CSMD1: variants seen among roughly 807,000 people sequenced by gnomAD.
CSMD1 encodes CUB and Sushi multiple domains 1, also known as CUB and sushi domain-containing protein 1.
CSMD1 carries 213 observed loss-of-function variants against 417.5 expected under a neutral mutation model. That is an observed-to-expected ratio of 0.51 (90% confidence interval 0.46 to 0.57). The LOEUF (loss-of-function observed/expected upper bound fraction) is 0.57. Among genes scored for constraint, CSMD1 ranks in the 20% least tolerant of loss-of-function variants. CSMD1 has a pLI of 0.00. For synonymous variants in CSMD1, 2,862 were observed against 1,736.8 expected, an observed-to-expected ratio of 1.65 and a Z score of -16.11; for missense variants, 6,923 against 4,529.7, an observed-to-expected ratio of 1.53 and a Z score of -15.17.
chr8:4,088,812 A>G (rs757046183), intron 3 of CSMD1, among the ~76,000 whole-genome samples: 3 of 151,952 alleles, frequency 2.0e-5, no homozygotes, highest in African/African-American at 7.2e-5. Flanking sequence ...ATCCCTCAGC[A>G]TGTGGACTCA....
chr8:3,056,917 T>C (rs1812269861), intron 49 of CSMD1, among the ~76,000 whole-genome samples: 3 of 152,222 alleles, frequency 2.0e-5, no homozygotes, highest in Middle Eastern at 3.4e-3. Flanking sequence ...TAGATTACTA[T>C]CTACATAGGT....
intron 4 of CSMD1, among the ~76,000 whole-genome samples, chr8:4,030,669 T>C (rs1014520200): frequency 5.3e-5 from 8 of 152,206 alleles, no homozygotes; most frequent in African/African-American, 1.9e-4. Context: ...GGGATTAACT[T>C]TTGGCTTCTT....
intron 47 of CSMD1, among the ~76,000 whole-genome samples, chr8:3,094,705 T>C (rs763150074): frequency 6.7e-6 from 1 of 148,436 alleles, no homozygotes; most frequent in Non-Finnish European, 1.5e-5. Context: ...ACTTAAGCCA[T>C]AGAGAGTAAT....
At position 3,790,021 on chromosome 8, in the gene CSMD1, A is replaced by G. The variant is rs536388139; in HGVS notation, c.819-35979T>C. 8.5e-5 allele frequency among the ~76,000 whole-genome samples: 13 copies of G among 152,294 alleles called. No homozygotes were observed. In the South Asian group the frequency reaches 2.5e-3, roughly 29 times the overall value. On this transcript the variant is annotated intron_variant, in intron 5 of 69. Transcript: ENST00000635120. Reference sequence around the variant, plus strand: ...GCTGGGATTACAGGCGTAAGCCACCATGCCCGGCCGATCATGGTTAATATT... The same window carrying G: ...GCTGGGATTACAGGCGTAAGCCACCGTGCCCGGCCGATCATGGTTAATATT...
At chr8:4,874,550 C>G (rs1052202305) in intron 1 of CSMD1, among the ~76,000 whole-genome samples, 1 of 151,564 alleles carries the variant, frequency 6.6e-6, no homozygotes, top group African/African-American at 2.4e-5. Flanking sequence ...CCACCTCTCC[C>G]GGCTAATTTT....
chr8:4,149,003 G>C (rs551850687), intron 3 of CSMD1, among the ~76,000 whole-genome samples: 1 of 143,616 alleles, frequency 7.0e-6, no homozygotes, highest in African/African-American at 2.6e-5. Flanking sequence ...CACTCTTGTT[G>C]CCCAGGCTGG....
At chr8:3,123,259 G>A (rs975593054) in intron 41 of CSMD1, among the ~76,000 whole-genome samples, 1 of 152,090 alleles carries the variant, frequency 6.6e-6, no homozygotes, top group African/African-American at 2.4e-5. Flanking sequence ...CAAATGCATA[G>A]CAAGGCCACC....
Position 2,938,685 on chromosome 8 carries a change from G to C in CSMD1, c.10595C>G (p.Ala3532Gly), listed in dbSNP as rs774821554. Residue 3532 changes from alanine (A) to glycine (G), a missense_variant, in exon 70 of 70, where the codon GCA (alanine) becomes GGA (glycine). Coordinates refer to ENST00000635120, the MANE Select transcript of CSMD1 (RefSeq NM_033225.6). The stretch of plus-strand genomic sequence containing the variant: ...ATCATACATGGGGTTTTCAAACGAT[G>C]CTTGTCCATTGCTGTTTTCATGCCC... ...YAGHENSNGQASFENPMYDTN... is the reference protein window; with the variant it reads ...YAGHENSNGQGSFENPMYDTN... The C allele has an allele frequency of 6.2e-7, 1 of 1,611,888 alleles. No homozygotes were observed. Among genetic ancestry groups the C allele is most frequent in the Admixed American group, 1.7e-5 (1 of 59,724 alleles).
At chr8:4,026,416 G>C (rs1410073742) in intron 4 of CSMD1, among the ~76,000 whole-genome samples, 3 of 152,150 alleles carry the variant, frequency 2.0e-5, no homozygotes, top group Non-Finnish European at 4.4e-5. Flanking sequence ...GGCAGCATAG[G>C]AAAGACACTT....
At chr8:4,156,065 G>C (rs1796817666) in intron 3 of CSMD1, among the ~76,000 whole-genome samples, 1 of 152,116 alleles carries the variant, frequency 6.6e-6, no homozygotes, top group African/African-American at 2.4e-5. Flanking sequence ...TACAGAAATG[G>C]AATTGGAATA....
intron 36 of CSMD1, among the ~76,000 whole-genome samples, chr8:3,183,780 C>G (rs1821578090): frequency 1.3e-5 from 2 of 152,218 alleles, no homozygotes; most frequent in African/African-American, 2.4e-5. Flanking sequence ...GACTGCCCTC[C>G]AATCAGTCAT....
chr8:4,124,958 C>G (rs1802679606), intron 3 of CSMD1, among the ~76,000 whole-genome samples: 1 of 152,122 alleles, frequency 6.6e-6, no homozygotes, highest in Non-Finnish European at 1.5e-5. Context: ...CCCCTTCCAC[C>G]TCTTGGAAGT....
chr8:3,200,246 T>A (rs1374748338), intron 32 of CSMD1, among the ~76,000 whole-genome samples: 1 of 152,250 alleles, frequency 6.6e-6, no homozygotes, highest in East Asian at 1.9e-4. Context: ...TTCTGAAGTA[T>A]ATTTTTAACC....
chr8:4,171,216 C>T (rs752768186), intron 3 of CSMD1, among the ~76,000 whole-genome samples: 4 of 151,852 alleles, frequency 2.6e-5, no homozygotes, highest in Non-Finnish European at 4.4e-5. Flanking sequence ...GAAACCTACC[C>T]GCAAAGGTCC....
intron 23 of CSMD1, among the ~76,000 whole-genome samples, chr8:3,333,211 G>A (rs906698236): frequency 4.6e-5 from 7 of 152,220 alleles, no homozygotes; most frequent in African/African-American, 1.2e-4. Flanking sequence ...ACCTGGTCAC[G>A]TCCTTGTGAG....
chr8:4,688,376 A>T (rs1324931062), intron 1 of CSMD1, among the ~76,000 whole-genome samples: 1 of 152,190 alleles, frequency 6.6e-6, no homozygotes, highest in East Asian at 1.9e-4. Flanking sequence ...ATGGACTATC[A>T]GGTTGAGCGT....
At chr8:3,158,543 A>G (rs1819679100) in intron 38 of CSMD1, among the ~76,000 whole-genome samples, 1 of 152,122 alleles carries the variant, frequency 6.6e-6, no homozygotes, top group East Asian at 1.9e-4. Flanking sequence ...CCTGCCTGCA[A>G]TGAAATTAAC....
intron 5 of CSMD1, among the ~76,000 whole-genome samples, chr8:3,814,419 C>T (rs1801260416): frequency 6.6e-6 from 1 of 152,202 alleles, no homozygotes; most frequent in South Asian, 2.1e-4. Flanking sequence ...AAACAAACAC[C>T]TGTCATCTCT....
At chr8:4,414,832 C>T (rs1021762942) in intron 3 of CSMD1, among the ~76,000 whole-genome samples, 2 of 152,136 alleles carry the variant, frequency 1.3e-5, no homozygotes, top group Non-Finnish European at 2.9e-5. Context: ...TTATTGCCCT[C>T]AAGGGTACAA....
Sources: gnomAD v4.1 joint callset for allele counts (sites outside exome capture counted in the v4.1 genomes callset) on GRCh38, gnomAD v4.1.1 for gene constraint, MANE v1.5 for transcripts, NCBI Gene and HGNC (gene_info 2026-07-23, HGNC 2026-07-21) for gene names.